The following GAREM1 variants were observed in gnomAD, a reference collection of about 807,000 sequenced individuals.
The protein encoded by GAREM1 is GRB2 associated regulator of MAPK1 subtype 1.
In GAREM1, 26 loss-of-function variants were observed where a neutral mutation model predicts 71.3. That is an observed-to-expected ratio of 0.36 (90% CI 0.27 to 0.51). The LOEUF is 0.51. Among genes scored for constraint, GAREM1 ranks in the 20% least tolerant of loss-of-function variants. The probability of loss-of-function intolerance (pLI) is 0.95; values close to 1 mark genes in which losing one functional copy is unlikely to be tolerated. For synonymous variants in GAREM1, 440 were observed against 433.2 expected (o/e 1.02, Z -0.20); for missense variants, 1,026 against 1,103.1 (o/e 0.93, Z 0.99).
At chr18:32,448,668 T>A (rs1446319939) in intron 1 of GAREM1, among the ~76,000 whole-genome samples, 5 of 152,142 alleles carry the variant, frequency 3.3e-5, no homozygotes, top group Admixed American at 3.3e-4. Context: ...TATACAAATA[T>A]CATATGTATG....
At chr18:32,397,960 C>T (rs2048274557) in intron 1 of GAREM1, among the ~76,000 whole-genome samples, 2 of 152,204 alleles carry the variant, frequency 1.3e-5, no homozygotes, top group Non-Finnish European at 2.9e-5. Context: ...TTATAACGAA[C>T]TGTCTCTCAG....
intron 2 of GAREM1, among the ~76,000 whole-genome samples, chr18:32,357,027 T>C (rs1055195789): frequency 5.9e-5 from 9 of 152,320 alleles, no homozygotes; most frequent in Middle Eastern, 6.8e-3. Flanking sequence ...ACTCTGCCCC[T>C]TCCTTTCTGA....
intron 1 of GAREM1, among the ~76,000 whole-genome samples, chr18:32,453,810 G>T (rs920988781): frequency 1.3e-5 from 2 of 152,114 alleles, no homozygotes; most frequent in African/African-American, 4.8e-5. Context: ...ACATGCCTGT[G>T]TGCATGTGTG....
rs139532460 is a variant in GAREM1 at position 32,450,387 on chromosome 18, G to A, written c.121+19921C>T. Among the ~76,000 whole-genome samples the A allele has an allele frequency of 7.7e-3, 1,176 of 152,140 alleles. 9 individuals are homozygous for A. Among genetic ancestry groups the A allele is most frequent in the Middle Eastern group, 0.031 (9 of 294 alleles). ...GATTAATTCAACCCTTATGCCAACTGTTACATACAATTATTTAAAAGTTCT... is the reference window on the plus strand; with the variant it reads ...GATTAATTCAACCCTTATGCCAACTATTACATACAATTATTTAAAAGTTCT... On this transcript the variant is annotated intron_variant, in intron 1 of 5. Transcript: ENST00000269209.
intron 1 of GAREM1, among the ~76,000 whole-genome samples, chr18:32,444,861 T>C (rs2048771730): frequency 6.6e-6 from 1 of 152,200 alleles, no homozygotes; most frequent in Non-Finnish European, 1.5e-5. Flanking sequence ...CTTTGTAAGA[T>C]TAACAGACAT....
At chr18:32,353,457 C>T (rs571317516) in intron 2 of GAREM1, among the ~76,000 whole-genome samples, 7 of 152,234 alleles carry the variant, frequency 4.6e-5, no homozygotes, top group African/African-American at 1.7e-4. Context: ...TAACCTTAGC[C>T]CAACTATAAG....
intron 1 of GAREM1, among the ~76,000 whole-genome samples, chr18:32,416,372 A>G (rs753717874): frequency 2.2e-4 from 33 of 152,308 alleles, no homozygotes; most frequent in Non-Finnish European, 3.7e-4. Flanking sequence ...AAACAATCCT[A>G]AAATTTATAT....
intron 2 of GAREM1, among the ~76,000 whole-genome samples, chr18:32,314,406 T>C (rs1598953971): frequency 6.6e-6 from 1 of 152,304 alleles, no homozygotes; most frequent in East Asian, 1.9e-4. Flanking sequence ...TGCTGGCAAG[T>C]TACAAATCCA....
intron 4 of GAREM1, among the ~76,000 whole-genome samples, chr18:32,286,190 G>T (rs1031521481): frequency 6.6e-6 from 1 of 152,130 alleles, no homozygotes. Flanking sequence ...TGAAGAACAT[G>T]GTCAAAATAG....
chr18:32,412,706 G>A (rs2048432387), intron 1 of GAREM1: 1 of 1,469,790 alleles, frequency 6.8e-7, no homozygotes, highest in East Asian at 2.3e-5. Context: ...TATCCACGGA[G>A]TCATGGTCGT....
intron 3 of GAREM1, among the ~76,000 whole-genome samples, chr18:32,295,366 A>G (rs2047130138): frequency 6.6e-6 from 1 of 152,200 alleles, no homozygotes; most frequent in Non-Finnish European, 1.5e-5. Flanking sequence ...TAATTCTCTG[A>G]TAGTACCTGA....
intron 2 of GAREM1, among the ~76,000 whole-genome samples, chr18:32,323,324 T>C (rs2047447409): frequency 6.6e-6 from 1 of 152,218 alleles, no homozygotes; most frequent in Non-Finnish European, 1.5e-5. Context: ...GTGGGAAGTC[T>C]AGGGTCCAGG....
chr18:32,286,241 T>A (rs1486886776), intron 4 of GAREM1, among the ~76,000 whole-genome samples: 1 of 152,012 alleles, frequency 6.6e-6, no homozygotes, highest in Non-Finnish European at 1.5e-5. Flanking sequence ...GTACCAAAAT[T>A]TTAGTTTTAC....
chr18:32,425,314 T>G (rs2048564015), intron 1 of GAREM1, among the ~76,000 whole-genome samples: 1 of 152,210 alleles, frequency 6.6e-6, no homozygotes, highest in African/African-American at 2.4e-5. Context: ...TCCCATTAAC[T>G]ACTGTGAAGA....
At chr18:32,414,587 C>A (rs2048450133) in intron 1 of GAREM1, among the ~76,000 whole-genome samples, 1 of 151,868 alleles carries the variant, frequency 6.6e-6, no homozygotes, top group South Asian at 2.1e-4. Flanking sequence ...CATATAAACA[C>A]ATGGAAATGA....
At chr18:32,441,755 C>A (rs1221907128) in intron 1 of GAREM1, among the ~76,000 whole-genome samples, 1 of 152,162 alleles carries the variant, frequency 6.6e-6, no homozygotes, top group Admixed American at 6.5e-5. Flanking sequence ...CACATAGAGG[C>A]TAACCTCCCA....
intron 3 of GAREM1, among the ~76,000 whole-genome samples, chr18:32,300,996 C>T (rs1182920083): frequency 6.6e-6 from 1 of 151,146 alleles, no homozygotes; most frequent in African/African-American, 2.4e-5. Flanking sequence ...TTTCAGACGG[C>T]AACTTTTAAA....
intron 2 of GAREM1, among the ~76,000 whole-genome samples, chr18:32,333,460 T>G (rs562442919): frequency 6.6e-6 from 1 of 152,218 alleles, no homozygotes; most frequent in East Asian, 1.9e-4. Context: ...GAGAAGCTGT[T>G]ATGTCAGAAG....
chr18:32,429,085 G>A lies in GAREM1; in HGVS notation c.122-36050C>T, dbSNP rs549821846. Among the ~76,000 whole-genome samples, 11 of 152,194 alleles carry A rather than the reference G, an allele frequency of 7.2e-5. No homozygotes were observed. The East Asian group carries it at 2.1e-3, about 29-fold the overall frequency. On this transcript the variant is annotated intron_variant, in intron 1 of 5. Coordinates refer to ENST00000269209, the MANE Select transcript of GAREM1 (RefSeq NM_001242409.2). ...CTTGCAATGACACCTTCCTTTTATG[G>A]GGGAGGGGGAACGGGCAAGGTAAGT...
Sources: allele counts gnomAD v4.1 joint callset (sites outside exome capture counted in the v4.1 genomes callset), GRCh38; gene constraint gnomAD v4.1.1; transcripts MANE v1.5; gene names NCBI Gene and HGNC (gene_info 2026-07-23, HGNC 2026-07-21).